POSTN: variants seen among roughly 807,000 people sequenced by gnomAD.
POSTN encodes the protein osteoblast specific factor 2 (fasciclin I-like).
In POSTN, 71 loss-of-function variants were observed where a neutral mutation model predicts 104.5. The ratio of observed to expected loss-of-function variants is 0.68; its 90% CI spans 0.56 to 0.83. The LOEUF (loss-of-function observed/expected upper bound fraction) is 0.83. POSTN is among the 40% of genes least tolerant of loss of function. The pLI, the probability that POSTN is intolerant of heterozygous loss-of-function variation, is 0.00. For missense variants in POSTN, 949 were observed against 1,006.8 expected (o/e 0.94, Z 0.78); for synonymous variants, 355 against 340.7 (o/e 1.04, Z -0.46).
intron 18 of POSTN, 90 bp downstream of exon 18, chr13:37,571,277 GAA>G: frequency 2.4e-6 from 2 of 841,888 alleles, no homozygotes; most frequent in Non-Finnish European, 3.7e-6. Flanking sequence ...AGAACTAAGA[GAA>G]AATATCAGAT....
At chr13:37,578,223 A>G (rs114199671) in intron 15 of POSTN, among the ~76,000 whole-genome samples, 4,555 of 152,198 alleles carry the variant, frequency 0.03, 216 homozygotes, top group African/African-American at 0.1. Flanking sequence ...GTACCATTTT[A>G]TTTTTCTAAA....
chr13:37,581,829 T>C (rs1197584748), intron 10 of POSTN, among the ~76,000 whole-genome samples: 1 of 152,224 alleles, frequency 6.6e-6, no homozygotes, highest in Admixed American at 6.5e-5. Flanking sequence ...AGATGCTGAC[T>C]GGTTATTTTA....
chr13:37,593,703 G>A (rs1010149535), intron 2 of POSTN, among the ~76,000 whole-genome samples: 7 of 151,282 alleles, frequency 4.6e-5, no homozygotes, highest in South Asian at 2.1e-4. Context: ...GAAAGAGATC[G>A]CCAAGTATAA....
At chr13:37,563,646 A>T (rs988356426) in intron 22 of POSTN, among the ~76,000 whole-genome samples, 2 of 152,218 alleles carry the variant, frequency 1.3e-5, no homozygotes, top group Admixed American at 1.3e-4. Flanking sequence ...TTCTTTAGTT[A>T]AAAAATATCT....
intron 7 of POSTN, 92 bp from the exon 8 acceptor site, chr13:37,585,020 C>A: frequency 6.7e-7 from 1 of 1,501,672 alleles, no homozygotes. Flanking sequence ...ACTAAGTATT[C>A]CTTAAAATGT....
chr13:37,566,648 A>T (rs1950110078), intron 21 of POSTN, among the ~76,000 whole-genome samples: 1 of 152,210 alleles, frequency 6.6e-6, no homozygotes, highest in South Asian at 2.1e-4. Context: ...TAGAGGTTAC[A>T]AATCTTAACC....
chr13:37,578,141 T>A (rs189864702), intron 15 of POSTN, among the ~76,000 whole-genome samples: 1 of 152,354 alleles, frequency 6.6e-6, no homozygotes, highest in East Asian at 1.9e-4. Flanking sequence ...GACAATTTTT[T>A]ATAAGTGAAT....
intron 1 of POSTN, 134 bp from the exon 2 acceptor site, chr13:37,597,416 A>G (rs1216207342): frequency 6.4e-6 from 4 of 625,600 alleles, no homozygotes; most frequent in African/African-American, 2.0e-5. Flanking sequence ...GCCTTGCACA[A>G]ATCTAATTAT....
rs139762928 is a variant in POSTN, at chr13:37,582,254, A to G, written c.1392+112T>C. Reference sequence around the variant, plus strand: ...AGCTACCCAGTTCCCTGATGCTTCTATGAATATTTACTATTAGAACCACAC... The same window carrying G: ...AGCTACCCAGTTCCCTGATGCTTCTGTGAATATTTACTATTAGAACCACAC... On this transcript the variant is annotated intron_variant, in intron 10 of 22. Transcript: ENST00000379747. The G allele has an allele frequency of 2.9e-4, 357 of 1,251,570 alleles. No homozygotes were observed. The East Asian group carries it at 6.9e-3, about 24-fold the overall frequency. The allele number at this position is 1,251,570 out of a possible 1,614,324, so 77.5% of individuals were successfully genotyped here.
intron 16 of POSTN, among the ~76,000 whole-genome samples, chr13:37,577,424 C>CGAAA (rs1483738436): frequency 3.9e-5 from 6 of 152,146 alleles, no homozygotes. Flanking sequence ...GTCCACACAT[C>CGAAA]TGAATTTTTA....
intron 8 of POSTN, 58 bp from the exon 9 acceptor site, chr13:37,584,161 G>A: frequency 4.4e-6 from 7 of 1,591,528 alleles, no homozygotes; most frequent in Non-Finnish European, 6.0e-6. Context: ...TCTCCATCAT[G>A]AAACTAGTAA....
At chr13:37,564,687 G>A (rs1429919564) in intron 21 of POSTN, 127 bp from the exon 22 acceptor site, 1 of 489,586 alleles carries the variant, frequency 2.0e-6, no homozygotes, top group African/African-American at 2.0e-5. Context: ...ATTATTTTTA[G>A]TAGTTAAATT....
intron 17 of POSTN, among the ~76,000 whole-genome samples, chr13:37,574,230 G>A (rs888475889): frequency 6.6e-6 from 1 of 151,214 alleles, no homozygotes; most frequent in Non-Finnish European, 1.5e-5. Context: ...TGCAAACAAA[G>A]CAACATAAAG....
At position 37,580,584 on chromosome 13, in the gene POSTN, C is replaced by T; in HGVS notation, c.1506G>A (p.Lys502=). 6.2e-7 allele frequency: 1 copy of T among 1,614,060 alleles called. No individual in the cohort carries two copies. Among genetic ancestry groups the T allele is most frequent in the Non-Finnish European group, 8.5e-7 (1 of 1,179,976 alleles). ...IKPAEKSLHE[K]LKQDKRFSTF... is the part of the protein sequence containing the mutation. ...ACCTAAAGCGCTTATCTTGTTTTAA[C>T]TTTTCATGGAGGGATTTCTCTGCTG... is the stretch of plus-strand genomic sequence containing the variant. Residue 502 remains lysine, a synonymous_variant, in exon 11 of 23, where the codon AAG becomes AAA. Transcript: ENST00000379747.
chr13:37,578,953 A>G, intron 14 of POSTN, 42 bp from the exon 15 acceptor site: 1 of 1,595,264 alleles, frequency 6.3e-7, no homozygotes. Context: ...AAGAAAGCAT[A>G]AAATAAAAAT....
In POSTN at chr13:37,580,496, C is replaced by A. The variant is rs947682724; in HGVS notation, c.1529+65G>T. On this transcript the variant is annotated intron_variant, in intron 11 of 22. Transcript: ENST00000379747. ...GGAGACTGAATGCCTTTTGGGATAC[C>A]GCCTATGAAACAAAAATATGCCAAT... 7.0e-6 allele frequency: 11 copies of A among 1,571,024 alleles called. No individual in the cohort carries two copies. In the African/African-American group the frequency reaches 1.4e-4, roughly 19 times the overall value.
chr13:37,587,447 C>T (rs1055508453), intron 5 of POSTN, among the ~76,000 whole-genome samples: 1 of 152,174 alleles, frequency 6.6e-6, no homozygotes, highest in Admixed American at 6.5e-5. Context: ...CCCACAAAAT[C>T]TGATCCAAAC....
At position 37,579,005 on chromosome 13, in the gene POSTN, C is replaced by T. The variant is rs374524190; in HGVS notation, c.1894+14G>A. ...AAAAGACTTAGCCTATCAATGAGTT[C>T]AATAATTACAAACCTGCTGGATAGA... On this transcript the variant is annotated intron_variant, in intron 14 of 22. Coordinates refer to ENST00000379747, the MANE Select transcript of POSTN (RefSeq NM_006475.3). The T allele has an allele frequency of 3.7e-5, 60 of 1,610,058 alleles. 1 individual carries two copies. The African/African-American group carries it at 7.4e-4, about 20-fold the overall frequency.
At chr13:37,581,487 A>G (rs971416924) in intron 10 of POSTN, among the ~76,000 whole-genome samples, 1 of 152,176 alleles carries the variant, frequency 6.6e-6, no homozygotes, top group African/African-American at 2.4e-5. Flanking sequence ...TGGGAGGCCA[A>G]AGTAGGAGGT....
Sources: gnomAD v4.1 joint callset for allele counts (sites outside exome capture counted in the v4.1 genomes callset) on GRCh38, gnomAD v4.1.1 for gene constraint, MANE v1.5 for transcripts, NCBI Gene and HGNC (gene_info 2026-07-23, HGNC 2026-07-21) for gene names.